SLC4A8: variants seen among roughly 807,000 people sequenced by gnomAD.
SLC4A8 encodes solute carrier family 4 member 8, also known as electroneutral sodium bicarbonate exchanger 1.
A neutral mutation model predicts 125.0 loss-of-function variants in SLC4A8; 40 were observed. That is an observed-to-expected ratio of 0.32 (90% CI 0.25 to 0.42). SLC4A8 has a LOEUF of 0.42. SLC4A8 is among the 10% of genes least tolerant of loss of function. SLC4A8 has a pLI of 1.00. For synonymous variants in SLC4A8, 456 were observed against 476.0 expected, an observed-to-expected ratio of 0.96 and a Z score of 0.55; for missense variants, 863 against 1,355.1, an observed-to-expected ratio of 0.64 and a Z score of 5.70.
At chr12:51,474,537 A>G in intron 15 of SLC4A8, 90 bp downstream of exon 15, 1 of 1,509,444 alleles carries the variant, frequency 6.6e-7, no homozygotes, top group Non-Finnish European at 9.0e-7. Flanking sequence ...CCCTTTGGCC[A>G]AACTCTGGCA....
At chr12:51,474,258 C>G in intron 14 of SLC4A8, 84 bp from the exon 15 acceptor site, 1 of 858,606 alleles carries the variant, frequency 1.2e-6, no homozygotes, top group South Asian at 1.9e-5. Flanking sequence ...CAGCTCCTGA[C>G]AGCCTTTAAA....
At chr12:51,426,978 G>A (rs1397418334) in intron 1 of SLC4A8, among the ~76,000 whole-genome samples, 2 of 135,602 alleles carry the variant, frequency 1.5e-5, no homozygotes, top group African/African-American at 2.8e-5. Context: ...TTGCTCTGTC[G>A]CCCAGGCTGG....
At chr12:51,433,855 T>G (rs1177825556) in intron 1 of SLC4A8, among the ~76,000 whole-genome samples, 7 of 57,700 alleles carry the variant, frequency 1.2e-4, no homozygotes, top group Non-Finnish European at 1.8e-4. Flanking sequence ...CCATCTGTTT[T>G]TTTTTTTTTT....
At chr12:51,442,159 G>C (rs1592190187) in intron 2 of SLC4A8, among the ~76,000 whole-genome samples, 1 of 152,140 alleles carries the variant, frequency 6.6e-6, no homozygotes, top group Non-Finnish European at 1.5e-5. Flanking sequence ...GGTGAGGCTG[G>C]GGAGAGAATC....
intron 16 of SLC4A8, among the ~76,000 whole-genome samples, chr12:51,475,495 AC>A (rs1950831397): frequency 2.0e-5 from 3 of 152,254 alleles, no homozygotes; most frequent in Admixed American, 1.3e-4. Context: ...GAATGCTGTT[AC>A]GTTTCATTTC....
chr12:51,436,688 G>A (rs192661064), intron 1 of SLC4A8, among the ~76,000 whole-genome samples: 32 of 152,228 alleles, frequency 2.1e-4, no homozygotes, highest in African/African-American at 6.3e-4. Context: ...GTGCAATGGC[G>A]TAATCTTGGC....
At chr12:51,480,127 G>T (rs1386648872) in intron 16 of SLC4A8, 6 of 423,284 alleles carry the variant, frequency 1.4e-5, no homozygotes, top group South Asian at 1.2e-4. Context: ...TTTTAGTAGA[G>T]ACGGGGTTTC....
chr12:51,497,248 C>G, intron 22 of SLC4A8, 124 bp downstream of exon 22: 1 of 1,042,374 alleles, frequency 9.6e-7, no homozygotes, highest in East Asian at 2.5e-5. Context: ...GAAGATTACC[C>G]CCAAAGATGT....
intron 1 of SLC4A8, among the ~76,000 whole-genome samples, chr12:51,427,479 G>A (rs1319071463): frequency 2.0e-5 from 3 of 152,100 alleles, no homozygotes; most frequent in Admixed American, 2.0e-4. Context: ...AGGGTGAGGA[G>A]AAGAAAAGGA....
intron 13 of SLC4A8, among the ~76,000 whole-genome samples, chr12:51,470,768 T>A (rs1004009934): frequency 6.6e-6 from 1 of 152,232 alleles, no homozygotes; most frequent in African/African-American, 2.4e-5. Flanking sequence ...CTTGACTTTT[T>A]ATCTTTAAAA....
chr12:51,427,001 C>T (rs1358425761), intron 1 of SLC4A8, among the ~76,000 whole-genome samples: 3 of 142,534 alleles, frequency 2.1e-5, no homozygotes, highest in Non-Finnish European at 4.5e-5. Flanking sequence ...TGCAGTGGTG[C>T]GATCTCCACT....
chr12:51,484,036 G>T (rs149787086), intron 16 of SLC4A8, among the ~76,000 whole-genome samples: 4 of 152,162 alleles, frequency 2.6e-5, no homozygotes, highest in African/African-American at 9.6e-5. Flanking sequence ...ATGGTTTCCA[G>T]CTTCATTCAT....
chr12:51,408,371 A>G (rs79046717), intron 1 of SLC4A8, among the ~76,000 whole-genome samples: 6,202 of 151,346 alleles, frequency 0.041, 382 homozygotes, highest in African/African-American at 0.13. Context: ...CTAGGATTAC[A>G]GGCGCGTGCC....
intron 2 of SLC4A8, among the ~76,000 whole-genome samples, chr12:51,441,354 A>C (rs1334429799): frequency 1.3e-5 from 2 of 152,214 alleles, no homozygotes; most frequent in Non-Finnish European, 2.9e-5. Flanking sequence ...CTGAAGGGGA[A>C]AGGAAAGAAG....
rs201658158 is a variant in SLC4A8 at position 51,474,390 on chromosome 12, C to T, written c.1953C>T (p.Tyr651=). 5 of 1,613,080 alleles carry T rather than the reference C, an allele frequency of 3.1e-6. No homozygotes were observed. Among genetic ancestry groups the T allele is most frequent in the African/African-American group, 1.3e-5 (1 of 75,026 alleles). The change falls in exon 15 of 25, where the codon TAC becomes TAT. Residue 651 remains tyrosine (Y), a synonymous_variant. Coordinates refer to ENST00000453097, the MANE Select transcript of SLC4A8 (RefSeq NM_001039960.3). ...PENPNNHTLQ[Y]WKDHNIVTAE... ...ATCCAAACAATCACACCCTCCAGTA[C>T]TGGAAGGACCACAACATCGTGACAG...
At chr12:51,401,665 A>C (rs1406082509) in intron 1 of SLC4A8, among the ~76,000 whole-genome samples, 1 of 152,048 alleles carries the variant, frequency 6.6e-6, no homozygotes, top group Admixed American at 6.5e-5. Flanking sequence ...TAGGCACAGG[A>C]TAGGACTGTG....
rs149574023 is a variant in SLC4A8, at chr12:51,463,577, T to A, written c.1249-37T>A. ...GCTGATAGCAGGACGAAAAGATAGATGTTACCTTTACTAATTTTGTGGTCT... is the reference window on the plus strand; with the variant it reads ...GCTGATAGCAGGACGAAAAGATAGAAGTTACCTTTACTAATTTTGTGGTCT... On this transcript the variant is annotated intron_variant, in intron 10 of 24. Transcript: ENST00000453097. The A allele has an allele frequency of 1.0e-4, 154 of 1,486,092 alleles. No individual in the cohort carries two copies. The East Asian group carries it at 3.4e-3, about 33-fold the overall frequency. 92.1% of individuals were successfully genotyped at this position (1,486,092 alleles called of 1,614,324 possible).
chr12:51,466,987 A>G (rs1369074537), intron 11 of SLC4A8, among the ~76,000 whole-genome samples: 2 of 151,370 alleles, frequency 1.3e-5, no homozygotes, highest in African/African-American at 4.9e-5. Flanking sequence ...ATGTGTGTGT[A>G]GGGGGTCACT....
At chr12:51,505,953 G>T (rs1273287350) in intron 24 of SLC4A8, 23 bp downstream of exon 24, 1 of 1,095,194 alleles carries the variant, frequency 9.1e-7, no homozygotes, top group Non-Finnish European at 1.4e-6. Context: ...GTAACATCTG[G>T]TTTTTATTTA....
Sources: gnomAD v4.1 joint callset for allele counts (sites outside exome capture counted in the v4.1 genomes callset) on GRCh38, gnomAD v4.1.1 for gene constraint, MANE v1.5 for transcripts, NCBI Gene and HGNC (gene_info 2026-07-23, HGNC 2026-07-21) for gene names.